Variants in ALDH1A1 observed in about 807,000 individuals in gnomAD.
The protein encoded by ALDH1A1 is aldehyde dehydrogenase 1 family member A1.
ALDH1A1 carries 19 observed loss-of-function variants against 62.1 expected under a neutral mutation model. That is an observed-to-expected ratio of 0.31 (90% CI 0.21 to 0.45). ALDH1A1 has a LOEUF of 0.45. Among genes scored for constraint, ALDH1A1 ranks in the 20% least tolerant of loss-of-function variants. The probability of loss-of-function intolerance (pLI) is 1.00; values close to 1 mark genes in which losing one functional copy is unlikely to be tolerated. For synonymous variants in ALDH1A1, 231 were observed against 215.9 expected (o/e 1.07, Z -0.61); for missense variants, 521 against 607.1 (o/e 0.86, Z 1.49).
Position 72,917,065 on chromosome 9 carries a change from T to C in ALDH1A1, c.890A>G (p.Tyr297Cys), listed in dbSNP as rs2118508905. 4 of 1,611,750 alleles carry C rather than the reference T, an allele frequency of 2.5e-6. No individual in the cohort carries two copies. In the East Asian group the frequency reaches 8.9e-5, roughly 36 times the overall value. ...AVEFAHHGVFYHQGQCCIAAS... is the reference protein window; with the variant it reads ...AVEFAHHGVFCHQGQCCIAAS... ...GGCTATACAACACTGGCCCTGGTGG[T>C]AGAATACCCCATGGTGTGCAAATTC... The change falls in exon 9 of 13, where the codon TAC becomes TGC. Residue 297 changes from tyrosine to cysteine, a missense_variant. By Grantham distance (194) the Tyr-to-Cys change is radical. Coordinates refer to ENST00000297785, the MANE Select transcript of ALDH1A1 (RefSeq NM_000689.5).
intron 3 of ALDH1A1, 115 bp from the exon 4 acceptor site, chr9:72,929,136 G>T: frequency 2.6e-6 from 3 of 1,163,592 alleles, no homozygotes; most frequent in Non-Finnish European, 3.6e-6. Context: ...AAGAAATCTT[G>T]TCATCTTGTC....
intron 7 of ALDH1A1, 31 bp downstream of exon 7, chr9:72,923,988 C>G: frequency 6.8e-7 from 1 of 1,466,822 alleles, no homozygotes; most frequent in Non-Finnish European, 9.3e-7. Flanking sequence ...TGCAGACATT[C>G]TTAACTTTTG....
At chr9:72,909,852 AATTG>A in intron 10 of ALDH1A1, 93 bp from the exon 11 acceptor site, 4 of 1,098,966 alleles carry the variant, frequency 3.6e-6, no homozygotes, top group African/African-American at 1.6e-5. Context: ...CGCTATCCTA[AATTG>A]ATTAAGATTT....
chr9:72,926,504 T>C (rs543300129), intron 5 of ALDH1A1, among the ~76,000 whole-genome samples: 1 of 152,350 alleles, frequency 6.6e-6, no homozygotes, highest in South Asian at 2.1e-4. Context: ...TTTGTTGGGC[T>C]TAAAAAATCT....
intron 12 of ALDH1A1, 141 bp downstream of exon 12, chr9:72,905,817 A>T: frequency 3.2e-6 from 2 of 634,912 alleles, no homozygotes; most frequent in Non-Finnish European, 5.4e-6. Flanking sequence ...TCCCACATTT[A>T]ATAAGCTATT....
At chr9:72,944,778 C>T (rs1400211813) in intron 1 of ALDH1A1, among the ~76,000 whole-genome samples, 2 of 152,028 alleles carry the variant, frequency 1.3e-5, no homozygotes, top group Non-Finnish European at 2.9e-5. Context: ...TATATATTAA[C>T]TCAATTCTAA....
chr9:72,934,247 T>C (rs1830320527), intron 2 of ALDH1A1, among the ~76,000 whole-genome samples: 1 of 152,202 alleles, frequency 6.6e-6, no homozygotes, highest in African/African-American at 2.4e-5. Flanking sequence ...CAAGTTCTAA[T>C]GTATTTTAAT....
At chr9:72,923,421 A>T (rs550944904) in intron 7 of ALDH1A1, among the ~76,000 whole-genome samples, 2 of 152,306 alleles carry the variant, frequency 1.3e-5, no homozygotes, top group East Asian at 3.9e-4. Context: ...AACATCATCA[A>T]TAAATGGGGA....
chr9:72,913,373 G>T (rs1312434031), intron 9 of ALDH1A1, among the ~76,000 whole-genome samples: 1 of 152,082 alleles, frequency 6.6e-6, no homozygotes, highest in African/African-American at 2.4e-5. Flanking sequence ...AAAAAATAGT[G>T]TTAAGAAGAA....
At chr9:72,919,359 T>A (rs1476016085) in intron 7 of ALDH1A1, among the ~76,000 whole-genome samples, 2 of 152,144 alleles carry the variant, frequency 1.3e-5, no homozygotes, top group Non-Finnish European at 2.9e-5. Context: ...ACCTCTTGAA[T>A]CTCATCCTTC....
intron 12 of ALDH1A1, 51 bp from the exon 13 acceptor site, chr9:72,901,331 AAT>A (rs1257826911): frequency 1.5e-5 from 19 of 1,246,420 alleles, no homozygotes; most frequent in Non-Finnish European, 2.2e-5. Context: ...CAGCAGTATA[AAT>A]ATACTGTAGT....
At position 72,901,256 on chromosome 9, in the gene ALDH1A1, A is replaced by G. The variant is rs764331830; in HGVS notation, c.1458T>C (p.Tyr486=). Residue 486 remains tyrosine (Y), a synonymous_variant, in exon 13 of 13, where the codon TAT becomes TAC. Coordinates refer to ENST00000297785, the MANE Select transcript of ALDH1A1 (RefSeq NM_000689.5). ...TCACTGTGACTGTTTTGACCTCTGTATATTCATGGAAACCGTACTCTCCCC... is the reference window on the plus strand; with the variant it reads ...TCACTGTGACTGTTTTGACCTCTGTGTATTCATGGAAACCGTACTCTCCCC... ...RELGEYGFHE[Y]TEVKTVTVKI... 4 of 1,609,874 alleles carry G rather than the reference A, an allele frequency of 2.5e-6. No individual in the cohort carries two copies. Among genetic ancestry groups the G allele is most frequent in the Non-Finnish European group, 3.4e-6 (4 of 1,178,014 alleles).
intron 8 of ALDH1A1, 132 bp downstream of exon 8, chr9:72,918,588 T>C (rs1830093526): frequency 3.2e-6 from 2 of 624,730 alleles, no homozygotes; most frequent in Non-Finnish European, 5.4e-6. Flanking sequence ...TTGGACTCTT[T>C]ACACTTTGAT....
At chr9:72,948,671 C>T (rs767665613) in intron 1 of ALDH1A1, among the ~76,000 whole-genome samples, 2 of 151,888 alleles carry the variant, frequency 1.3e-5, no homozygotes, top group Non-Finnish European at 2.9e-5. Context: ...TTGCTTTAAA[C>T]ATTTATCCTA....
In ALDH1A1 at chr9:72,909,715, A is replaced by T; in HGVS notation, c.1245T>A (p.Asp415Glu). The stretch of plus-strand genomic sequence containing the variant: ...TATTGTTTGCTCTTTTGATCACGTC[A>T]TCTAAAGATTTAAACTTCATGATTT... ...VQQIMKFKSL[D>E]DVIKRANNTF... The change falls in exon 11 of 13, where the codon GAT (aspartate) becomes GAA (glutamate). Residue 415 changes from aspartate to glutamate, a missense_variant. By Grantham distance (45) the Asp-to-Glu change is conservative. Transcript: ENST00000297785. 5.0e-6 allele frequency: 8 copies of T among 1,613,864 alleles called. No homozygotes were observed. Among genetic ancestry groups the T allele is most frequent in the Non-Finnish European group, 6.8e-6 (8 of 1,179,818 alleles).
At chr9:72,940,086 G>A (rs961961123) in intron 2 of ALDH1A1, 62 bp downstream of exon 2, 1 of 1,262,148 alleles carries the variant, frequency 7.9e-7, no homozygotes, top group Non-Finnish European at 1.2e-6. Context: ...GGGTTCAGGA[G>A]CTCAGAATGG....
At chr9:72,931,136 T>C in intron 2 of ALDH1A1, 117 bp from the exon 3 acceptor site, 2 of 1,122,134 alleles carry the variant, frequency 1.8e-6, no homozygotes, top group Non-Finnish European at 2.6e-6. Context: ...GTGTCTCCAT[T>C]ATCCCAAAGT....
At chr9:72,933,742 G>C (rs1830313800) in intron 2 of ALDH1A1, among the ~76,000 whole-genome samples, 1 of 152,156 alleles carries the variant, frequency 6.6e-6, no homozygotes, top group African/African-American at 2.4e-5. Flanking sequence ...GGTGGCAATT[G>C]TTACTGTTGT....
At position 72,901,209 on chromosome 9, in the gene ALDH1A1, T is replaced by C. The variant is rs144085228; in HGVS notation, c.1505A>G (p.Ter502=). 3.9e-4 allele frequency: 620 copies of C among 1,601,248 alleles called. No homozygotes were observed. Among genetic ancestry groups the C allele is most frequent in the Non-Finnish European group, 5.1e-4 (591 of 1,169,772 alleles). Residue 502 remains the stop codon, a stop_retained_variant, in exon 13 of 13, where the codon TAA becomes TGA. Transcript: ENST00000297785. The part of the protein sequence containing the change: ...VTVKISQKNS[*] ...CTTCTCTCCACTCTTGTATTTTCTT[T>C]ATGAGTTCTTCTGAGAGATTTTCAC...
Sources: allele counts gnomAD v4.1 joint callset (sites outside exome capture counted in the v4.1 genomes callset), GRCh38; gene constraint gnomAD v4.1.1; transcripts MANE v1.5; gene names NCBI Gene and HGNC (gene_info 2026-07-23, HGNC 2026-07-21).